Variants in TMEM120B observed in about 807,000 individuals in gnomAD.
The protein encoded by TMEM120B is transmembrane protein 120B.
Under a neutral mutation model 55.5 loss-of-function variants are expected in TMEM120B, and 31 were observed. The observed-to-expected ratio is 0.56, with a 90% CI of 0.42 to 0.75. TMEM120B has a LOEUF of 0.75. TMEM120B is among the 30% of genes least tolerant of loss of function. TMEM120B has a pLI of 0.00. For missense variants in TMEM120B, 399 were observed against 425.5 expected, an observed-to-expected ratio of 0.94 and a Z score of 0.55; for synonymous variants, 203 against 176.3, an observed-to-expected ratio of 1.15 and a Z score of -1.20.
intron 1 of TMEM120B, among the ~76,000 whole-genome samples, chr12:121,714,559 T>TAATGCTTTGTCTTACTGGGCTCGGAGG (rs1224198146): frequency 7.2e-6 from 1 of 139,008 alleles, no homozygotes; most frequent in Admixed American, 7.2e-5. Flanking sequence ...AGCCACTTCT[T>TAATGCTTTGTCTTACTGGGCTCGGAGG]TTTTTTTTTT....
At chr12:121,737,513 A>G (rs1872786868) in intron 1 of TMEM120B, among the ~76,000 whole-genome samples, 3 of 152,124 alleles carry the variant, frequency 2.0e-5, no homozygotes, top group Middle Eastern at 3.4e-3. Context: ...TCAAAAAAAA[A>G]AAAGTCACAG....
chr12:121,772,210 C>G (rs923139311), intron 8 of TMEM120B, among the ~76,000 whole-genome samples: 2 of 151,766 alleles, frequency 1.3e-5, no homozygotes, highest in African/African-American at 4.8e-5. Context: ...CTCACTGCAA[C>G]CTCCGCCTCC....
intron 2 of TMEM120B, among the ~76,000 whole-genome samples, chr12:121,744,375 G>C (rs1057172112): frequency 6.6e-6 from 1 of 152,250 alleles, no homozygotes; most frequent in East Asian, 1.9e-4. Flanking sequence ...GGGCGGTGGA[G>C]GGATGGCCAC....
chr12:121,738,937 A>G (rs896396649), intron 1 of TMEM120B, among the ~76,000 whole-genome samples: 2 of 152,144 alleles, frequency 1.3e-5, no homozygotes, highest in African/African-American at 4.8e-5. Flanking sequence ...CTGTAATCCC[A>G]GCACTTTGGG....
At position 121,722,680 on chromosome 12, in the gene TMEM120B, T is replaced by C. The variant is rs77857392; in HGVS notation, c.69+9716T>C. Among the ~76,000 whole-genome samples the C allele has an allele frequency of 2.3e-4, 35 of 152,072 alleles. No homozygotes were observed. In the South Asian group the frequency reaches 6.9e-3, roughly 30 times the overall value. On this transcript the variant is annotated intron_variant, in intron 1 of 11. Coordinates refer to ENST00000449592, the MANE Select transcript of TMEM120B (RefSeq NM_001080825.2). ...ACACAGTATATTGCTTAATGATACA[T>C]TGTATGTAGTCCAAGTATAAAGACT...
chr12:121,746,036 T>C (rs979192455), intron 2 of TMEM120B, among the ~76,000 whole-genome samples: 1 of 150,346 alleles, frequency 6.7e-6, no homozygotes, highest in Non-Finnish European at 1.5e-5. Flanking sequence ...GATTTTTATA[T>C]TTTCAGTAGA....
intron 1 of TMEM120B, among the ~76,000 whole-genome samples, chr12:121,737,173 A>T (rs986233964): frequency 2.0e-5 from 3 of 152,234 alleles, no homozygotes; most frequent in Middle Eastern, 3.4e-3. Context: ...CTGCCTCTCT[A>T]TGTGAGGCAT....
In TMEM120B at chr12:121,777,992, T is replaced by C. The variant is rs1008317914; in HGVS notation, c.*2270T>C. On this transcript the variant is annotated 3_prime_UTR_variant, in exon 12 of 12. Transcript: ENST00000449592. ...GACTTCTTGGAAGCTCAGGTTTAGC[T>C]GACGCCCCAGCACTGGGCCAGGGGG... 2.0e-5 allele frequency: 3 copies of C among 152,204 alleles called. No individual in the cohort carries two copies. The highest frequency in any genetic ancestry group is 7.2e-5 in the African/African-American group (3 of 41,440). 9.4% of individuals were successfully genotyped at this position (152,204 alleles called of 1,614,324 possible). A position where few individuals can be genotyped will look rare whatever the true frequency, so the allele number is the denominator to read the frequency against.
chr12:121,748,271 G>A (rs1036097610), intron 2 of TMEM120B, 55 bp from the exon 3 acceptor site: 12 of 1,410,432 alleles, frequency 8.5e-6, no homozygotes, highest in Admixed American at 1.7e-5. Flanking sequence ...GGAGTCCATA[G>A]CCCTCCTCCC....
chr12:121,725,201 G>A (rs1894871012), intron 1 of TMEM120B, among the ~76,000 whole-genome samples: 1 of 152,144 alleles, frequency 6.6e-6, no homozygotes, highest in Admixed American at 6.6e-5. Flanking sequence ...GGTTTGCCTT[G>A]TGCTGCAGAA....
In TMEM120B at chr12:121,771,055, C is replaced by A. The variant is rs942464758; in HGVS notation, c.617+83C>A. On this transcript the variant is annotated intron_variant, in intron 7 of 11. Coordinates refer to ENST00000449592, the MANE Select transcript of TMEM120B (RefSeq NM_001080825.2). Reference sequence around the variant, plus strand: ...GGAATGGGGAGGGGGCTGATCCAGACAGCGGTGGGGGGTGTGCTCCAGGGC... The same window carrying A: ...GGAATGGGGAGGGGGCTGATCCAGAAAGCGGTGGGGGGTGTGCTCCAGGGC... 16 of 1,462,754 alleles carry A rather than the reference C, an allele frequency of 1.1e-5. No individual in the cohort carries two copies. The East Asian group carries it at 3.5e-4, about 32-fold the overall frequency. 90.6% of individuals were successfully genotyped at this position (1,462,754 alleles called of 1,614,324 possible). A position where few individuals can be genotyped will look rare whatever the true frequency, so the allele number is the denominator to read the frequency against.
intron 6 of TMEM120B, among the ~76,000 whole-genome samples, chr12:121,763,606 C>A (rs1873753331): frequency 6.6e-6 from 1 of 152,094 alleles, no homozygotes; most frequent in Non-Finnish European, 1.5e-5. Context: ...CCACGCCCAG[C>A]TAATTTTTGT....
intron 1 of TMEM120B, among the ~76,000 whole-genome samples, chr12:121,717,177 G>A (rs995761068): frequency 2.0e-5 from 3 of 152,140 alleles, no homozygotes; most frequent in African/African-American, 7.2e-5. Flanking sequence ...ACCGCAGAAG[G>A]TCACTTACAG....
intron 8 of TMEM120B, among the ~76,000 whole-genome samples, chr12:121,772,335 G>T (rs896207069): frequency 1.3e-5 from 2 of 151,720 alleles, no homozygotes; most frequent in Non-Finnish European, 2.9e-5. Context: ...TCACCATGTT[G>T]GTCAGGGTGG....
At chr12:121,739,798 C>CTTTTT (rs200085137) in intron 1 of TMEM120B, among the ~76,000 whole-genome samples, 8 of 99,180 alleles carry the variant, frequency 8.1e-5, no homozygotes, top group Non-Finnish European at 1.2e-4. Flanking sequence ...TGCAACACTT[C>CTTTTT]TTTTTTTTTT....
intron 1 of TMEM120B, among the ~76,000 whole-genome samples, chr12:121,730,083 A>AC (rs1458165176): frequency 6.6e-6 from 1 of 151,156 alleles, no homozygotes; most frequent in Non-Finnish European, 1.5e-5. Context: ...ACATGGTGAA[A>AC]CCCCGTCTCT....
At chr12:121,759,273 A>C (rs1166763403) in intron 5 of TMEM120B, among the ~76,000 whole-genome samples, 1 of 152,142 alleles carries the variant, frequency 6.6e-6, no homozygotes, top group Non-Finnish European at 1.5e-5. Flanking sequence ...CCCTGCGGCA[A>C]ATCCGAACGG....
At chr12:121,761,763 G>A (rs758398267) in intron 6 of TMEM120B, 25 bp downstream of exon 6, 17 of 1,592,162 alleles carry the variant, frequency 1.1e-5, no homozygotes, top group Non-Finnish European at 1.5e-5. Flanking sequence ...GGCTTTGTGG[G>A]GAGCACAAGA....
At chr12:121,713,040 C>A in intron 1 of TMEM120B, 76 bp downstream of exon 1, 1 of 1,304,374 alleles carries the variant, frequency 7.7e-7, no homozygotes, top group Non-Finnish European at 1.0e-6. Flanking sequence ...CCCCCCGGCC[C>A]GGGCGGTGGG....
Sources: gnomAD v4.1 joint callset for allele counts (sites outside exome capture counted in the v4.1 genomes callset) on GRCh38, gnomAD v4.1.1 for gene constraint, MANE v1.5 for transcripts, NCBI Gene and HGNC (gene_info 2026-07-23, HGNC 2026-07-21) for gene names.